Variants in ABCC11 observed in about 807,000 individuals in gnomAD.
The protein encoded by ABCC11 is ATP binding cassette subfamily C member 11.
Under a neutral mutation model 149.3 loss-of-function variants are expected in ABCC11, and 135 were observed. The observed-to-expected ratio is 0.90, with a 90% CI of 0.79 to 1.04. The LOEUF (loss-of-function observed/expected upper bound fraction) is 1.04. Ranked by LOEUF, ABCC11 falls within the 50% of genes least tolerant of loss-of-function variation. The pLI, the probability that ABCC11 is intolerant of heterozygous loss-of-function variation, is 0.00. For synonymous variants in ABCC11, 665 were observed against 671.4 expected, an observed-to-expected ratio of 0.99 and a Z score of 0.15; for missense variants, 1,680 against 1,722.1, an observed-to-expected ratio of 0.98 and a Z score of 0.43.
downstream of ABCC11, chr16:48,165,577 T>G (rs1166781588): frequency 6.6e-6 from 1 of 152,334 alleles, no homozygotes. Context: ...CCACACTGCC[T>G]CCAGGAAGTC....
At chr16:48,165,063 G>A (rs1322661946), downstream of ABCC11, 2 of 152,066 alleles carry the variant, frequency 1.3e-5, no homozygotes, top group South Asian at 2.1e-4. Context: ...TCTGCTGGTC[G>A]CTCAAGGAAA....
intron 28 of ABCC11, among the ~76,000 whole-genome samples, chr16:48,169,694 C>T (rs1216433116): frequency 2.1e-5 from 3 of 144,076 alleles, no homozygotes; most frequent in Non-Finnish European, 3.0e-5. Flanking sequence ...CATGTTCTCA[C>T]TCATGGGTGG....
Position 48,186,952 on chromosome 16 carries a change from C to T in ABCC11, c.3071+1G>A, listed in dbSNP as rs1216016181. The T allele has an allele frequency of 2.5e-6, 4 of 1,614,086 alleles. No homozygotes were observed. The highest frequency in any genetic ancestry group is 2.2e-5 in the East Asian group (1 of 44,882). On this transcript the variant is annotated splice_donor_variant, in intron 22 of 29. Coordinates refer to ENST00000356608, the MANE Select transcript of ABCC11 (RefSeq NM_001370497.1). LOFTEE classifies it high-confidence loss of function. ...TCTCAAATGGCAGCAGAAGGACTCA[C>T]TGGCTGATGAAGTCTTCAGTTTTTC...
intron 27 of ABCC11, 135 bp from the exon 28 acceptor site, chr16:48,170,353 C>A: frequency 2.8e-6 from 2 of 716,740 alleles, no homozygotes; most frequent in Non-Finnish European, 4.8e-6. Flanking sequence ...TTTTCTTGCT[C>A]CTTAACTGCG....
rs565871399 is a variant in ABCC11, at chr16:48,166,353, T to C, written c.*921A>G. Among the ~76,000 whole-genome samples, 55 of 152,256 alleles carry C rather than the reference T, an allele frequency of 3.6e-4. No individual in the cohort carries two copies. Among genetic ancestry groups the C allele is most frequent in the African/African-American group, 1.3e-3 (53 of 41,544 alleles). The stretch of plus-strand genomic sequence containing the variant: ...GAACCTGGAGCTGCAGGCAACCATA[T>C]TGCCACCATGAGGCAAGAGGAAGTT... On this transcript the variant is annotated 3_prime_UTR_variant, in exon 30 of 30. Transcript: ENST00000356608.
chr16:48,176,981 T>C lies in ABCC11; in HGVS notation c.3481A>G (p.Ile1161Val), dbSNP rs763012072. Residue 1161 changes from isoleucine (I) to valine (V), a missense_variant, in exon 25 of 30, where the codon ATC becomes GTC. Transcript: ENST00000356608. Reference sequence around the variant, plus strand: ...TCGTGGCCGCGGATGGTCAGGTTGATGCCGTGAAGCACGGTGGGTGTGTTG... The same window carrying C: ...TCGTGGCCGCGGATGGTCAGGTTGACGCCGTGAAGCACGGTGGGTGTGTTG... The part of the protein sequence containing the change: ...RDNTPTVLHG[I>V]NLTIRGHEVV... 11 of 1,614,204 alleles carry C rather than the reference T, an allele frequency of 6.8e-6. No homozygotes were observed. The highest frequency in any genetic ancestry group is 8.5e-6 in the Non-Finnish European group (10 of 1,180,030).
At chr16:48,195,692 T>C (rs1292783998) in intron 18 of ABCC11, among the ~76,000 whole-genome samples, 2 of 152,216 alleles carry the variant, frequency 1.3e-5, no homozygotes. Context: ...CCTTAAGAAA[T>C]AAAAATTAAG....
intron 1 of ABCC11, among the ~76,000 whole-genome samples, chr16:48,241,857 A>C (rs1279743540): frequency 1.3e-5 from 2 of 152,220 alleles, no homozygotes; most frequent in Admixed American, 6.5e-5. Context: ...GAAAGCTGAA[A>C]CTGGATCCCT....
At chr16:48,209,600 C>A in intron 11 of ABCC11, 1 of 157,410 alleles carries the variant, frequency 6.4e-6, no homozygotes, top group Non-Finnish European at 1.4e-5. Context: ...TGCTGTGCGG[C>A]CTGGTTTCTA....
At chr16:48,205,662 G>A in intron 12 of ABCC11, 125 bp from the exon 13 acceptor site, 1 of 1,322,296 alleles carries the variant, frequency 7.6e-7, no homozygotes, top group South Asian at 1.5e-5. Context: ...CTAGGTAAAA[G>A]GGACTTTTAA....
At chr16:48,175,489 C>G in intron 25 of ABCC11, 72 bp from the exon 26 acceptor site, 1 of 1,513,936 alleles carries the variant, frequency 6.6e-7, no homozygotes, top group Non-Finnish European at 8.9e-7. Flanking sequence ...TCGCACCTGG[C>G]GATCACACCT....
chr16:48,238,265 G>A (rs1970780743), intron 1 of ABCC11, among the ~76,000 whole-genome samples: 1 of 152,134 alleles, frequency 6.6e-6, no homozygotes, highest in Admixed American at 6.5e-5. Context: ...CTAGTAACCT[G>A]ATTTCTCTTT....
intron 23 of ABCC11, among the ~76,000 whole-genome samples, chr16:48,184,106 T>C (rs1430614891): frequency 6.6e-6 from 1 of 152,184 alleles, no homozygotes; most frequent in East Asian, 1.9e-4. Context: ...CTAACATGCA[T>C]CTGTTTGGAC....
intron 6 of ABCC11, among the ~76,000 whole-genome samples, chr16:48,217,962 A>G (rs1248899416): frequency 1.3e-5 from 2 of 152,188 alleles, no homozygotes; most frequent in Non-Finnish European, 2.9e-5. Flanking sequence ...CACCAGCCAA[A>G]TGCTGGAAAC....
chr16:48,180,064 C>T (rs567636159), intron 23 of ABCC11, among the ~76,000 whole-genome samples: 3 of 152,292 alleles, frequency 2.0e-5, no homozygotes, highest in South Asian at 2.1e-4. Flanking sequence ...TCACACCCTG[C>T]GGGCTGCCTT....
At chr16:48,213,637 T>C in intron 9 of ABCC11, 87 bp from the exon 10 acceptor site, 1 of 997,806 alleles carries the variant, frequency 1.0e-6, no homozygotes, top group South Asian at 1.7e-5. Flanking sequence ...AGCCACATCC[T>C]CAGCATCCAA....
chr16:48,239,289 G>A (rs1010252936), intron 1 of ABCC11, among the ~76,000 whole-genome samples: 1 of 152,118 alleles, frequency 6.6e-6, no homozygotes, highest in South Asian at 2.1e-4. Flanking sequence ...AGGGCTGGGC[G>A]AGGTGGCTCA....
At chr16:48,200,627 G>A in intron 14 of ABCC11, 148 bp from the exon 15 acceptor site, 1 of 814,404 alleles carries the variant, frequency 1.2e-6, no homozygotes, top group South Asian at 2.0e-5. Context: ...TTGGCATTCT[G>A]GACTTAAAAA....
At position 48,197,843 on chromosome 16, in the gene ABCC11, T is replaced by C. The variant is rs185879578; in HGVS notation, c.2314+128A>G. ...ACTACTTGGTTCTGGAACCTGTGTA[T>C]GTAAATGCTTAGGGTCTCAAGACAC... On this transcript the variant is annotated intron_variant, in intron 17 of 29. Transcript: ENST00000356608. 1.0e-5 allele frequency: 10 copies of C among 972,882 alleles called. No homozygotes were observed. In the African/African-American group the frequency reaches 1.1e-4, roughly 11 times the overall value. The allele number at this position is 972,882 out of a possible 1,614,324, so 60.3% of individuals were successfully genotyped here.
Sources: gnomAD v4.1 joint callset for allele counts (sites outside exome capture counted in the v4.1 genomes callset) on GRCh38, gnomAD v4.1.1 for gene constraint, MANE v1.5 for transcripts, NCBI Gene and HGNC (gene_info 2026-07-23, HGNC 2026-07-21) for gene names.